Variants in RBFOX1 observed in about 807,000 individuals in gnomAD.
RBFOX1 encodes RNA binding fox-1 homolog 1, also known as RNA binding protein fox-1 homolog 1.
In RBFOX1, 8 loss-of-function variants were observed where a neutral mutation model predicts 57.7. The observed-to-expected ratio is 0.14, with a 90% CI of 0.08 to 0.25. The LOEUF is 0.25. RBFOX1 is among the 10% of genes least tolerant of loss of function. The pLI, the probability that RBFOX1 is intolerant of heterozygous loss-of-function variation, is 1.00. For synonymous variants in RBFOX1, 326 were observed against 222.4 expected (o/e 1.47, Z -4.15); for missense variants, 611 against 548.5 (o/e 1.11, Z -1.14).
chr16:5,831,900 C>T (rs962835193), intron 3 of RBFOX1, among the ~76,000 whole-genome samples: 4 of 152,010 alleles, frequency 2.6e-5, no homozygotes, highest in Non-Finnish European at 4.4e-5. Flanking sequence ...TCTTGGTCAC[C>T]CCAAGTTTCT....
chr16:6,145,871 C>T (rs2096754007), intron 1 of RBFOX1, among the ~76,000 whole-genome samples: 1 of 152,184 alleles, frequency 6.6e-6, no homozygotes, highest in South Asian at 2.1e-4. Flanking sequence ...GTGGCCTTGA[C>T]AAGACTCTCT....
chr16:7,436,284 A>G (rs2098720764), intron 4 of RBFOX1, among the ~76,000 whole-genome samples: 2 of 152,142 alleles, frequency 1.3e-5, no homozygotes, highest in South Asian at 4.2e-4. Context: ...TGTTTATGTT[A>G]TTTCCGGTTG....
chr16:5,281,040 A>G (rs2063259992), intron 1 of RBFOX1, among the ~76,000 whole-genome samples: 1 of 151,798 alleles, frequency 6.6e-6, no homozygotes, highest in East Asian at 1.9e-4. Flanking sequence ...TTTATTTGAA[A>G]TCTTTCTACT....
chr16:5,874,555 A>G (rs1422599090), intron 4 of RBFOX1, among the ~76,000 whole-genome samples: 1 of 152,100 alleles, frequency 6.6e-6, no homozygotes, highest in Non-Finnish European at 1.5e-5. Context: ...GTAAATGTGG[A>G]TACATTTTGA....
intron 4 of RBFOX1, among the ~76,000 whole-genome samples, chr16:7,457,701 T>C (rs564978023): frequency 6.6e-6 from 1 of 152,248 alleles, no homozygotes; most frequent in South Asian, 2.1e-4. Context: ...ATTTTCAGCC[T>C]AAGAGGGCCC....
At chr16:5,984,976 A>ATTTTT (rs869160414) in intron 4 of RBFOX1, among the ~76,000 whole-genome samples, 31 of 55,714 alleles carry the variant, frequency 5.6e-4, no homozygotes, top group Admixed American at 9.8e-4. Context: ...ATATATATAT[A>ATTTTT]TTTTTTTTTT....
At chr16:6,234,675 A>T (rs1025562065) in intron 1 of RBFOX1, among the ~76,000 whole-genome samples, 9 of 152,278 alleles carry the variant, frequency 5.9e-5, no homozygotes, top group African/African-American at 2.2e-4. Context: ...TTAAGTAGGA[A>T]TTTTTGAAGG....
intron 3 of RBFOX1, among the ~76,000 whole-genome samples, chr16:7,019,570 C>T (rs906462535): frequency 6.6e-6 from 1 of 152,102 alleles, no homozygotes; most frequent in African/African-American, 2.4e-5. Flanking sequence ...CTTTACAGTT[C>T]GAATGAATGA....
intron 4 of RBFOX1, chr16:7,126,411 C>T: frequency 4.3e-6 from 1 of 232,090 alleles, no homozygotes; most frequent in Non-Finnish European, 8.9e-6. Flanking sequence ...GTGAACTGTG[C>T]AGCTCACACA....
At chr16:5,855,428 T>A (rs1038121032) in intron 3 of RBFOX1, among the ~76,000 whole-genome samples, 2 of 152,188 alleles carry the variant, frequency 1.3e-5, no homozygotes, top group Non-Finnish European at 2.9e-5. Context: ...TTCAATTATA[T>A]TCTTTTGCCT....
At chr16:5,490,449 C>G (rs536878402) in intron 2 of RBFOX1, among the ~76,000 whole-genome samples, 1 of 152,184 alleles carries the variant, frequency 6.6e-6, no homozygotes, top group Non-Finnish European at 1.5e-5. Context: ...TGTAGGTGCT[C>G]GGCCTTGTGG....
At position 5,781,269 on chromosome 16, in the gene RBFOX1, A is replaced by G. The variant is rs200000294; in HGVS notation, c.319-86034A>G. Among the ~76,000 whole-genome samples the G allele has an allele frequency of 8.5e-5, 13 of 152,308 alleles. No individual in the cohort carries two copies. The East Asian group carries it at 1.9e-3, about 23-fold the overall frequency. On this transcript the variant is annotated intron_variant, in intron 3 of 19. Transcript: ENST00000641259. ...CTAAGTGGGGGAAATGGAATTGTAC[A>G]GTTTCAATTTGCTTAGAAGCTTAAG...
intron 4 of RBFOX1, among the ~76,000 whole-genome samples, chr16:7,147,203 C>T (rs948336539): frequency 2.0e-5 from 3 of 149,746 alleles, no homozygotes; most frequent in African/African-American, 2.5e-5. Context: ...CAGGGTTTCA[C>T]CATGTTGGCC....
Position 5,264,050 on chromosome 16 carries a change from G to GAGCACATTAC in RBFOX1, c.219+23947_219+23956dup, listed in dbSNP as rs562503541. Among the ~76,000 whole-genome samples the GAGCACATTAC allele has an allele frequency of 2.2e-3, 334 of 152,226 alleles. 2 individuals carry two copies. The highest frequency in any genetic ancestry group is 7.7e-3 in the African/African-American group (319 of 41,520). ...TGAAGGCAGGGAAGAACGAGTTTAG[G>GAGCACATTAC]AGCACATTACAAGAAGAAGGTGACT... is the stretch of plus-strand genomic sequence containing the variant. On this transcript the variant is annotated intron_variant, in intron 1 of 2. Coordinates refer to the RBFOX1 transcript ENST00000585867.
intron 1 of RBFOX1, among the ~76,000 whole-genome samples, chr16:6,193,397 TATATATATATATA>T (rs2097157670): frequency 3.4e-5 from 1 of 29,376 alleles, no homozygotes; most frequent in African/African-American, 1.0e-4. Context: ...ATATACTATA[TATATATATATATA>T]TATATATATA....
chr16:6,999,225 A>ATTTTTTTATTT (rs200620958), intron 3 of RBFOX1, among the ~76,000 whole-genome samples: 3 of 122,954 alleles, frequency 2.4e-5, no homozygotes, highest in East Asian at 2.2e-4. Flanking sequence ...TATTTTTTTT[A>ATTTTTTTATTT]TTTATTTTTT....
chr16:7,710,253 T>G (rs899304194), intron 15 of RBFOX1: 2 of 1,080,340 alleles, frequency 1.9e-6, no homozygotes, highest in African/African-American at 3.4e-5. Context: ...CTAGTCCACA[T>G]GAGGAATGTG....
chr16:6,640,644 T>C (rs540458952), intron 2 of RBFOX1, among the ~76,000 whole-genome samples: 6 of 152,142 alleles, frequency 3.9e-5, no homozygotes, highest in South Asian at 2.1e-4. Flanking sequence ...AATACTACTT[T>C]ATAGAGCCAG....
At chr16:7,690,222 T>A (rs1363610289) in intron 14 of RBFOX1, among the ~76,000 whole-genome samples, 1 of 152,126 alleles carries the variant, frequency 6.6e-6, no homozygotes, top group Non-Finnish European at 1.5e-5. Context: ...GCCCTATCAC[T>A]GGCACTCTCT....
Sources: gnomAD v4.1 joint callset for allele counts (sites outside exome capture counted in the v4.1 genomes callset) on GRCh38, gnomAD v4.1.1 for gene constraint, MANE v1.5 for transcripts, NCBI Gene and HGNC (gene_info 2026-07-23, HGNC 2026-07-21) for gene names.